FUT5: variants seen among roughly 807,000 people sequenced by gnomAD.
FUT5 encodes the protein 4-galactosyl-N-acetylglucosaminide 3-alpha-L-fucosyltransferase FUT5.
In FUT5, 1 loss-of-function variant was observed where a neutral mutation model predicts 0.8. The observed-to-expected ratio is 1.26, with a 90% CI of 0.45 to 5.99. FUT5 has a LOEUF of 5.99. FUT5 is among the 30% of genes most tolerant of loss of function. The pLI, the probability that FUT5 is intolerant of heterozygous loss-of-function variation, is 0.15. For synonymous variants in FUT5, 212 were observed against 225.7 expected (o/e 0.94, Z 0.54); for missense variants, 437 against 517.8 (o/e 0.84, Z 1.51).
Position 5,867,683 on chromosome 19 carries a change from G to A in FUT5, c.43C>T (p.Arg15Cys), listed in dbSNP as rs561364366. The change falls in exon 2 of 2, where the codon CGC (arginine) becomes TGC (cysteine). Residue 15 changes from arginine to cysteine, a missense_variant. By Grantham distance (180) the Arg-to-Cys change is radical (BLOSUM62 -3). Around this residue, in one of 2 missense-constraint regions of FUT5, gnomAD observed 261 missense variants for 242.6 expected, o/e 1.08. Coordinates refer to ENST00000588525, the MANE Select transcript of FUT5 (RefSeq NM_002034.2). This position sits in a 1 kb window ranked among gnomAD's most constrained non-coding sequence, Gnocchi z 5.0. ...GPAKPQWLWR[R>C]CLAGLLFQLL... ...TGAAACAGCAGCCCGGCCAGACAGC[G>A]GCGCCACAGCCACTGTGGCTTGGCT... 14 of 1,613,180 alleles carry A rather than the reference G, an allele frequency of 8.7e-6. No individual in the cohort carries two copies. The highest frequency in any genetic ancestry group is 2.2e-5 in the East Asian group (1 of 44,886).
intron 1 of FUT5, among the ~76,000 whole-genome samples, chr19:5,869,829 A>G (rs541044825): frequency 6.6e-6 from 1 of 152,204 alleles, no homozygotes; most frequent in East Asian, 1.9e-4. Context: ...CGTCTGTAAT[A>G]CCAGCAATAT....
Position 5,866,683 on chromosome 19 carries a change from A to G in FUT5, c.1043T>C (p.Leu348Pro). 1 of 1,612,580 alleles carries G rather than the reference A, an allele frequency of 6.2e-7. No homozygotes were observed. Among genetic ancestry groups the G allele is most frequent in the Non-Finnish European group, 8.5e-7 (1 of 1,179,938 alleles). ...TLRPRSFSWA[L>P]AFCKACWKLQ... ...CTTCCAGCAGGCCTTGCAGAAAGCC[A>G]GTGCCCAGCTGAAGGAGCGAGGCCG... The change falls in exon 2 of 2, where the codon CTG becomes CCG. Residue 348 changes from leucine to proline, a missense_variant. This residue lies in a region of FUT5 where 176 missense variants were observed against 275.2 expected (regional missense o/e 0.64). Transcript: ENST00000588525. This position sits in a 1 kb window ranked among gnomAD's most constrained non-coding sequence, Gnocchi z 4.9.
Position 5,866,484 on chromosome 19 carries a change from G to A in FUT5, c.*117C>T. ...CCCCAGGCAGGTGAGACCCCAGGCAGCCGAGGCCCCAGGCAGCCGAGGCCC... is the reference window on the plus strand; with the variant it reads ...CCCCAGGCAGGTGAGACCCCAGGCAACCGAGGCCCCAGGCAGCCGAGGCCC... On this transcript the variant is annotated 3_prime_UTR_variant, in exon 2 of 2. Coordinates refer to ENST00000588525, the MANE Select transcript of FUT5 (RefSeq NM_002034.2). The surrounding 1 kb of genome is among the most constrained non-coding windows in gnomAD (Gnocchi z 4.9). 2 of 1,117,352 alleles carry A rather than the reference G, an allele frequency of 1.8e-6. No homozygotes were observed. The highest frequency in any genetic ancestry group is 4.2e-5 in the African/African-American group (2 of 47,224). The allele number at this position is 1,117,352 out of a possible 1,614,324, so 69.2% of individuals were successfully genotyped here.
At chr19:5,868,248 G>C (rs1056792583) in intron 1 of FUT5, among the ~76,000 whole-genome samples, 1 of 152,042 alleles carries the variant, frequency 6.6e-6, no homozygotes, top group Admixed American at 6.6e-5. Flanking sequence ...GACCAGGCAG[G>C]GAGTGGGGGG....
At chr19:5,870,432 C>T (rs2057519090) in intron 1 of FUT5, 33 bp downstream of exon 1, 1 of 152,272 alleles carries the variant, frequency 6.6e-6, no homozygotes, top group Middle Eastern at 3.4e-3. Flanking sequence ...GTAGAAACTA[C>T]CCAGATGTCC....
chr19:5,866,371 A>G lies in FUT5; in HGVS notation c.*230T>C, dbSNP rs1015846899. The G allele has an allele frequency of 8.7e-6, 6 of 690,620 alleles. No homozygotes were observed. Among genetic ancestry groups the G allele is most frequent in the Non-Finnish European group, 1.4e-5 (6 of 413,984 alleles). 42.8% of individuals were successfully genotyped at this position (690,620 alleles called of 1,614,324 possible). On this transcript the variant is annotated 3_prime_UTR_variant, in exon 2 of 2. Coordinates refer to ENST00000588525, the MANE Select transcript of FUT5 (RefSeq NM_002034.2). This position sits in a 1 kb window ranked among gnomAD's most constrained non-coding sequence, Gnocchi z 4.9. ...CCCAGCCCCAGCTGGCAAGGTCCCC[A>G]GCAGGGGAGGCTCCTGGCAGTGAAG...
rs201359166 is a variant in FUT5 at position 5,867,584 on chromosome 19, C to G, written c.142G>C (p.Gly48Arg). The change falls in exon 2 of 2, where the codon GGG (glycine) becomes CGG (arginine). Residue 48 changes from glycine to arginine, a missense_variant. Gly to Arg is a moderately radical substitution (Grantham distance 125, BLOSUM62 -2). Around this residue, in one of 2 missense-constraint regions of FUT5, gnomAD observed 261 missense variants for 242.6 expected, o/e 1.08. Transcript: ENST00000588525. This position sits in a 1 kb window ranked among gnomAD's most constrained non-coding sequence, Gnocchi z 5.0. ...RDDATGSPRP[G>R]LMAVEPVTGA... is the part of the protein sequence containing the mutation. ...GTGACAGGTTCCACTGCCATAAGCC[C>G]TGGCCTAGGGGATCCAGTGGCATCG... 66 of 1,613,558 alleles carry G rather than the reference C, an allele frequency of 4.1e-5. No individual in the cohort carries two copies. The highest frequency in any genetic ancestry group is 5.1e-5 in the Non-Finnish European group (60 of 1,180,042).
In FUT5 at chr19:5,867,423, C is replaced by T. The variant is rs760851573; in HGVS notation, c.303G>A (p.Ala101=). 47 of 1,612,826 alleles carry T rather than the reference C, an allele frequency of 2.9e-5. No homozygotes were observed. Among genetic ancestry groups the T allele is most frequent in the East Asian group, 4.5e-5 (2 of 44,808 alleles). The change falls in exon 2 of 2, where the codon GCG becomes GCA. Residue 101 remains alanine, a synonymous_variant. Coordinates refer to ENST00000588525, the MANE Select transcript of FUT5 (RefSeq NM_002034.2). This position sits in a 1 kb window ranked among gnomAD's most constrained non-coding sequence, Gnocchi z 5.0. ...AGTCGGCAGTGATGTTGCAGTCGGC[C>T]GCGCCGGGCACCATCTCTGAGCAGC... The part of the protein sequence containing the change: ...LPRCSEMVPG[A]ADCNITADSS...
chr19:5,868,146 C>T lies in FUT5; in HGVS notation c.-12-409G>A, dbSNP rs375318766. ...CCCCTCTGGCCCTCAGACACACTGT[C>T]CCCGTCCTGGGGGAGAGGCTGAGGC... On this transcript the variant is annotated intron_variant, in intron 1 of 1. Transcript: ENST00000588525. Among the ~76,000 whole-genome samples, 63 of 152,228 alleles carry T rather than the reference C, an allele frequency of 4.1e-4. 2 individuals are homozygous for T. The East Asian group carries it at 9.3e-3, about 22-fold the overall frequency.
chr19:5,869,868 G>A lies in FUT5; in HGVS notation c.-13+597C>T, dbSNP rs564112601. Among the ~76,000 whole-genome samples, 529 of 151,870 alleles carry A rather than the reference G, an allele frequency of 3.5e-3. 3 individuals are homozygous for A. Among genetic ancestry groups the A allele is most frequent in the Non-Finnish European group, 5.5e-3 (377 of 67,956 alleles). ...GTGGATCACCTGAGGTCAGGAGTTC[G>A]AGGCCAGCCTGGCTAACATGGCGAA... is the stretch of plus-strand genomic sequence containing the variant. On this transcript the variant is annotated intron_variant, in intron 1 of 1. Coordinates refer to ENST00000588525, the MANE Select transcript of FUT5 (RefSeq NM_002034.2).
rs1282966963 is a variant in FUT5, at chr19:5,867,490, A to C, written c.236T>G (p.Leu79Arg). The change falls in exon 2 of 2, where the codon CTG becomes CGG. Residue 79 changes from leucine (L) to arginine (R), a missense_variant. Transcript: ENST00000588525. This position sits in a 1 kb window ranked among gnomAD's most constrained non-coding sequence, Gnocchi z 5.0. ...TGTGTTAAAAGGCCACGTCCACAGC[A>C]GGATCAGTAGGGTGGGGTGGGCAGG... ...ATPAHPTLLI[L>R]LWTWPFNTPV... 8 of 1,151,676 alleles carry C rather than the reference A, an allele frequency of 6.9e-6. No individual in the cohort carries two copies. The highest frequency in any genetic ancestry group is 9.7e-6 in the Non-Finnish European group (8 of 828,562). The allele number at this position is 1,151,676 out of a possible 1,614,324, so 71.3% of individuals were successfully genotyped here.
In FUT5 at chr19:5,865,976, T is replaced by G; in HGVS notation, c.*625A>C. 1 of 162,754 alleles carries G rather than the reference T, an allele frequency of 6.1e-6. No individual in the cohort carries two copies. Among genetic ancestry groups the G allele is most frequent in the Non-Finnish European group, 1.4e-5 (1 of 74,028 alleles). 10.1% of individuals were successfully genotyped at this position (162,754 alleles called of 1,614,324 possible). A position where few individuals can be genotyped will look rare whatever the true frequency, so the allele number is the denominator to read the frequency against. On this transcript the variant is annotated 3_prime_UTR_variant, in exon 2 of 2. Transcript: ENST00000588525. ...GCCCAGTGCCCTCCAGGGTGAGGCA[T>G]CGCAACACATCCACAGGCACTATCA... is the stretch of plus-strand genomic sequence containing the variant.
Position 5,866,651 on chromosome 19 carries a change from G to C in FUT5, c.1075C>G (p.Gln359Glu), listed in dbSNP as rs760438160. The C allele has an allele frequency of 4.8e-5, 78 of 1,612,976 alleles. No homozygotes were observed. The highest frequency in any genetic ancestry group is 1.1e-4 in the East Asian group (5 of 44,858). The change falls in exon 2 of 2, where the codon CAG becomes GAG. Residue 359 changes from glutamine to glutamate, a missense_variant. Coordinates refer to ENST00000588525, the MANE Select transcript of FUT5 (RefSeq NM_002034.2). This position sits in a 1 kb window ranked among gnomAD's most constrained non-coding sequence, Gnocchi z 4.9. ...CGCACCGTCTGGTACCTAGATTCCT[G>C]CTGCAGCTTCCAGCAGGCCTTGCAG... ...AFCKACWKLQ[Q>E]ESRYQTVRSI...
In FUT5 at chr19:5,867,809, GAA is replaced by G. The variant is rs1364408612; in HGVS notation, c.-12-74_-12-73del. 15 of 1,496,856 alleles carry G rather than the reference GAA, an allele frequency of 1.0e-5. No individual in the cohort carries two copies. The Admixed American group carries it at 2.0e-4, about 20-fold the overall frequency. 92.7% of individuals were successfully genotyped at this position (1,496,856 alleles called of 1,614,324 possible). On this transcript the variant is annotated intron_variant, in intron 1 of 1. Transcript: ENST00000588525. The surrounding 1 kb of genome is among the most constrained non-coding windows in gnomAD (Gnocchi z 5.0). ...CACTTCCTGGCCACGTGTCCTGAGA[GAA>G]GCTGTTATAATTTATGACACAGCTT...
In FUT5 at chr19:5,869,278, CT is replaced by C. The variant is rs780424110; in HGVS notation, c.-13+1186del. 3.8e-3 allele frequency among the ~76,000 whole-genome samples: 482 copies of C among 125,984 alleles called. 1 individual carries two copies. Among genetic ancestry groups the C allele is most frequent in the African/African-American group, 9.8e-3 (323 of 32,910 alleles). 82.7% of individuals were successfully genotyped at this position (125,984 alleles called of 152,430 possible). On this transcript the variant is annotated intron_variant, in intron 1 of 1. Transcript: ENST00000588525. Reference sequence around the variant, plus strand: ...ACAGGTGTGAGCCACCATGCCCAGCCTTTTTTTTTTTTTTTTTTTTTTAAAT... The same window carrying C: ...ACAGGTGTGAGCCACCATGCCCAGCCTTTTTTTTTTTTTTTTTTTTTAAAT...
Position 5,870,473 on chromosome 19 carries a change from A to T in FUT5, c.-21T>A, listed in dbSNP as rs572232456. The stretch of plus-strand genomic sequence containing the variant: ...TAGAAGAACAAATATACCTAGTGTG[A>T]TCCATCCACACAATGGAATATCACT... On this transcript the variant is annotated 5_prime_UTR_variant, in exon 1 of 2. Transcript: ENST00000588525. 6.6e-6 allele frequency: 1 copy of T among 152,322 alleles called. No individual in the cohort carries two copies. Among genetic ancestry groups the T allele is most frequent in the African/African-American group, 2.4e-5 (1 of 41,566 alleles). 9.4% of individuals were successfully genotyped at this position (152,322 alleles called of 1,614,324 possible).
rs554234516 is a variant in FUT5 at position 5,868,472 on chromosome 19, G to A, written c.-12-735C>T. Among the ~76,000 whole-genome samples, 3 of 152,256 alleles carry A rather than the reference G, an allele frequency of 2.0e-5. No individual in the cohort carries two copies. The South Asian group carries it at 6.2e-4, about 32-fold the overall frequency. On this transcript the variant is annotated intron_variant, in intron 1 of 1. Coordinates refer to ENST00000588525, the MANE Select transcript of FUT5 (RefSeq NM_002034.2). ...CCATGCTTTGTGATGGGTGAGGTGA[G>A]GCTTGGATGCCAGGGTGGACTGTTT...
rs759674318 is a variant in FUT5 at position 5,867,413 on chromosome 19, T to G, written c.313A>C (p.Asn105His). The change falls in exon 2 of 2, where the codon AAC (asparagine) becomes CAC (histidine). Residue 105 changes from asparagine (N) to histidine (H), a missense_variant. By Grantham distance (68) the Asn-to-His change is moderately conservative. Around this residue, in one of 2 missense-constraint regions of FUT5, gnomAD observed 261 missense variants for 242.6 expected, o/e 1.08. Coordinates refer to ENST00000588525, the MANE Select transcript of FUT5 (RefSeq NM_002034.2). This position sits in a 1 kb window ranked among gnomAD's most constrained non-coding sequence, Gnocchi z 5.0. ...SEMVPGAADC[N>H]ITADSSVYPQ... ...TACACACTGGAGTCGGCAGTGATGTTGCAGTCGGCCGCGCCGGGCACCATC... is the reference window on the plus strand; with the variant it reads ...TACACACTGGAGTCGGCAGTGATGTGGCAGTCGGCCGCGCCGGGCACCATC... The G allele has an allele frequency of 8.7e-6, 14 of 1,612,692 alleles. No homozygotes were observed. Among genetic ancestry groups the G allele is most frequent in the African/African-American group, 1.3e-5 (1 of 74,682 alleles).
rs911974190 is a variant in FUT5 at position 5,866,261 on chromosome 19, C to G, written c.*340G>C. On this transcript the variant is annotated 3_prime_UTR_variant, in exon 2 of 2. Coordinates refer to ENST00000588525, the MANE Select transcript of FUT5 (RefSeq NM_002034.2). This position sits in a 1 kb window ranked among gnomAD's most constrained non-coding sequence, Gnocchi z 4.9. ...TTCAGTGTGGCAAGGTCTCTGGGAG[C>G]AGGTCCCAGCAGGTAAAGTCCCCAA... 1.1e-5 allele frequency: 5 copies of G among 449,928 alleles called. No individual in the cohort carries two copies. The highest frequency in any genetic ancestry group is 8.0e-5 in the African/African-American group (4 of 50,302). The allele number at this position is 449,928 out of a possible 1,614,324, so 27.9% of individuals were successfully genotyped here.
Sources: allele counts gnomAD v4.1 joint callset (sites outside exome capture counted in the v4.1 genomes callset), GRCh38; gene constraint gnomAD v4.1.1; regional missense constraint gnomAD v4.1.1; non-coding constraint Gnocchi (gnomAD v3.1); transcripts MANE v1.5; gene names NCBI Gene and HGNC (gene_info 2026-07-23, HGNC 2026-07-21).